The following RNF166 variants were observed in gnomAD, a reference collection of about 807,000 sequenced individuals.
RNF166 encodes E3 ubiquitin-protein ligase RNF166.
A neutral mutation model predicts 29.4 loss-of-function variants in RNF166; 19 were observed. That is an observed-to-expected ratio of 0.65 (90% CI 0.45 to 0.95). The LOEUF (loss-of-function observed/expected upper bound fraction) is 0.95, where lower values mean the gene tolerates loss of function less well. Among genes scored for constraint, RNF166 ranks in the 40% least tolerant of loss-of-function variants. RNF166 has a pLI of 0.00. For missense variants in RNF166, 347 were observed against 322.1 expected (o/e 1.08, Z -0.59); for synonymous variants, 171 against 134.5 (o/e 1.27, Z -1.88).
At chr16:88,699,151 CT>C in intron 3 of RNF166, 66 bp from the exon 4 acceptor site, 2 of 1,144,346 alleles carry the variant, frequency 1.7e-6, no homozygotes, top group Non-Finnish European at 2.6e-6. Context: ...CCCCGCTTCT[CT>C]CAAACACAGG....
Position 88,706,189 on chromosome 16 carries a change from A to G in RNF166, c.137T>C (p.Ile46Thr). Residue 46 changes from isoleucine (I) to threonine (T), a missense_variant, in exon 1 of 6, where the codon ATC becomes ACC. Coordinates refer to ENST00000312838, the MANE Select transcript of RNF166 (RefSeq NM_178841.4). ...CLEVYHRPVAIGSCGHTFCGE... is the reference protein window; with the variant it reads ...CLEVYHRPVATGSCGHTFCGE... ...CGCTCACGTGTGGCCGCAGCTGCCG[A>G]TGGCCACGGGCCGGTGATAGACCTC... is the stretch of plus-strand genomic sequence containing the variant. 7.8e-7 allele frequency: 1 copy of G among 1,285,560 alleles called. No homozygotes were observed. The highest frequency in any genetic ancestry group is 9.9e-7 in the Non-Finnish European group (1 of 1,011,340). 79.6% of individuals were successfully genotyped at this position (1,285,560 alleles called of 1,614,324 possible). A position where few individuals can be genotyped will look rare whatever the true frequency, so the allele number is the denominator to read the frequency against.
chr16:88,702,962 G>A, intron 1 of RNF166: 1 of 985,498 alleles, frequency 1.0e-6, no homozygotes, highest in Non-Finnish European at 1.2e-6. Flanking sequence ...AGAAGCGGAA[G>A]CAGCTCAGGT....
rs573211612 is a variant in RNF166, at chr16:88,701,622, C to T, written c.156-204G>A. On this transcript the variant is annotated intron_variant, in intron 1 of 5. Transcript: ENST00000312838. ...GCCCCATCTGGCTAAAGGGTGGCCC[C>T]GGTCCCTCCTGACAGTAGGCCCCTG... 1.4e-3 allele frequency: 753 copies of T among 549,690 alleles called. 6 individuals are homozygous for T. The highest frequency in any genetic ancestry group is 0.012 in the African/African-American group (630 of 50,856). The allele number at this position is 549,690 out of a possible 1,614,324, so 34.1% of individuals were successfully genotyped here.
rs1909694554 is a variant in RNF166 at position 88,697,001 on chromosome 16, T to C, written c.*567A>G. The stretch of plus-strand genomic sequence containing the variant: ...TAAATGTTCCATAAAAATACTATTA[T>C]TCCTAGTCAAACACAGATATTGCAA... On this transcript the variant is annotated 3_prime_UTR_variant, in exon 6 of 6. Transcript: ENST00000312838. The C allele has an allele frequency of 5.0e-6, 1 of 200,314 alleles. No individual in the cohort carries two copies. The highest frequency in any genetic ancestry group is 1.0e-5 in the Non-Finnish European group (1 of 96,580). The allele number at this position is 200,314 out of a possible 1,614,324, so 12.4% of individuals were successfully genotyped here. A position where few individuals can be genotyped will look rare whatever the true frequency, so the allele number is the denominator to read the frequency against.
At chr16:88,706,046 G>T (rs1452054776) in intron 1 of RNF166, 125 bp downstream of exon 1, 1 of 513,546 alleles carries the variant, frequency 1.9e-6, no homozygotes, top group East Asian at 1.5e-4. Flanking sequence ...CGCGCCCCGA[G>T]GCCCCGGCGC....
chr16:88,703,360 GGGCTGAGGGGAAGGAAAAGGGTCCCA>G, intron 1 of RNF166: 1 of 985,454 alleles, frequency 1.0e-6, no homozygotes, highest in Non-Finnish European at 1.2e-6. Context: ...GCACGGCCAC[GGGCTGAGGGGAAGGAAAAGGGTCCCA>G]GGCAGAGCTT....
At chr16:88,704,503 A>G (rs1910569273) in intron 1 of RNF166, 1 of 985,396 alleles carries the variant, frequency 1.0e-6, no homozygotes, top group East Asian at 1.1e-4. Context: ...GACATATTTG[A>G]AAAAGAAGGG....
chr16:88,700,746 G>A, intron 2 of RNF166: 1 of 994,742 alleles, frequency 1.0e-6, no homozygotes, highest in South Asian at 4.2e-5. Context: ...GATGGACATG[G>A]GGGCCAATGA....
intron 4 of RNF166, 43 bp from the exon 5 acceptor site, chr16:88,698,652 GGC>G (rs1909883390): frequency 7.0e-7 from 1 of 1,430,100 alleles, no homozygotes; most frequent in Non-Finnish European, 9.4e-7. Flanking sequence ...ACCGCGGAGA[GGC>G]GGGGTAGCCG....
Position 88,697,315 on chromosome 16 carries a change from G to A in RNF166, c.*253C>T, listed in dbSNP as rs1180004338. 7.5e-6 allele frequency: 3 copies of A among 398,068 alleles called. No homozygotes were observed. Among genetic ancestry groups the A allele is most frequent in the Non-Finnish European group, 1.4e-5 (3 of 217,510 alleles). 24.7% of individuals were successfully genotyped at this position (398,068 alleles called of 1,614,324 possible). A position where few individuals can be genotyped will look rare whatever the true frequency, so the allele number is the denominator to read the frequency against. The stretch of plus-strand genomic sequence containing the variant: ...GGTCCCAGCGTCCAGCCCTGCCCAA[G>A]TAGGCCGCCTGCTCGGCCAGAAGCA... On this transcript the variant is annotated 3_prime_UTR_variant, in exon 6 of 6. Coordinates refer to ENST00000312838, the MANE Select transcript of RNF166 (RefSeq NM_178841.4).
intron 1 of RNF166, chr16:88,704,217 T>C: frequency 2.0e-6 from 2 of 985,442 alleles, no homozygotes; most frequent in Non-Finnish European, 2.4e-6. Flanking sequence ...AAACTTTCTG[T>C]GGTCATTTGC....
chr16:88,702,800 A>T (rs1221980276), intron 1 of RNF166: 1 of 985,346 alleles, frequency 1.0e-6, no homozygotes, highest in East Asian at 1.1e-4. Flanking sequence ...CAGGCGCCCC[A>T]GCAGATATTT....
At position 88,706,301 on chromosome 16, in the gene RNF166, C is replaced by T. The variant is rs1270101097; in HGVS notation, c.25G>A (p.Ala9Thr). ...GGCGGCTGCCGCTGCTGAGCCGAGG[C>T]CACCAGGCTGCGGAACATAGCCATC... MAMFRSLV[A>T]SAQQRQPPAG... The change falls in exon 1 of 6, where the codon GCC becomes ACC. Residue 9 changes from alanine (A) to threonine (T), a missense_variant. By Grantham distance (58) the Ala-to-Thr change is moderately conservative. Transcript: ENST00000312838. 7.9e-7 allele frequency: 1 copy of T among 1,263,978 alleles called. No individual in the cohort carries two copies. Among genetic ancestry groups the T allele is most frequent in the Non-Finnish European group, 1.0e-6 (1 of 1,004,676 alleles). The allele number at this position is 1,263,978 out of a possible 1,614,324, so 78.3% of individuals were successfully genotyped here. A position where few individuals can be genotyped will look rare whatever the true frequency, so the allele number is the denominator to read the frequency against.
In RNF166 at chr16:88,706,187, C is replaced by T. The variant is rs1365698667; in HGVS notation, c.139G>A (p.Gly47Ser). 5 of 1,282,466 alleles carry T rather than the reference C, an allele frequency of 3.9e-6. No homozygotes were observed. The Admixed American group carries it at 1.0e-4, about 27-fold the overall frequency. The allele number at this position is 1,282,466 out of a possible 1,614,324, so 79.4% of individuals were successfully genotyped here. A position where few individuals can be genotyped will look rare whatever the true frequency, so the allele number is the denominator to read the frequency against. ...CGCGCTCACGTGTGGCCGCAGCTGC[C>T]GATGGCCACGGGCCGGTGATAGACC... ...LEVYHRPVAI[G>S]SCGHTFCGEC... The change falls in exon 1 of 6, where the codon GGC becomes AGC. Residue 47 changes from glycine (G) to serine (S), a missense_variant. Transcript: ENST00000312838.
chr16:88,701,014 G>A (rs771991539), intron 2 of RNF166: 195 of 1,370,150 alleles, frequency 1.4e-4, no homozygotes, highest in Middle Eastern at 1.1e-3. Context: ...CCCCTGGCCC[G>A]GGCTAGGCGG....
chr16:88,703,053 C>T (rs1206308937), intron 1 of RNF166: 1 of 985,502 alleles, frequency 1.0e-6, no homozygotes, highest in Non-Finnish European at 1.2e-6. Flanking sequence ...GGCGTGCAGC[C>T]CCACCACGCA....
chr16:88,700,541 A>C lies in RNF166; in HGVS notation c.312+721T>G, dbSNP rs531456973. 15 of 939,194 alleles carry C rather than the reference A, an allele frequency of 1.6e-5. 1 individual carries two copies. The East Asian group carries it at 1.6e-3, about 102-fold the overall frequency. 58.2% of individuals were successfully genotyped at this position (939,194 alleles called of 1,614,324 possible). ...CTCGAGGACAAACCACCGAGGGGCC[A>C]CGTACTAGTGTGAGCGCTTCATAGA... On this transcript the variant is annotated intron_variant, in intron 2 of 5. Coordinates refer to ENST00000312838, the MANE Select transcript of RNF166 (RefSeq NM_178841.4).
intron 1 of RNF166, chr16:88,703,719 G>C (rs771555941): frequency 1.1e-4 from 111 of 985,408 alleles, no homozygotes; most frequent in Non-Finnish European, 1.3e-4. Context: ...GATGGGTGTG[G>C]GGGCGTCGAC....
chr16:88,706,346 G>C lies in RNF166; in HGVS notation c.-21C>G. ...GCCATCCCGGGGCCAGGCCCGCGCC[G>C]CCCGCCGCCCGCTGTCCTGGCCCGG... On this transcript the variant is annotated 5_prime_UTR_variant, in exon 1 of 6. Coordinates refer to ENST00000312838, the MANE Select transcript of RNF166 (RefSeq NM_178841.4). 4.1e-6 allele frequency: 5 copies of C among 1,211,598 alleles called. No individual in the cohort carries two copies. The highest frequency in any genetic ancestry group is 3.2e-5 in the African/African-American group (2 of 62,950). The allele number at this position is 1,211,598 out of a possible 1,614,324, so 75.1% of individuals were successfully genotyped here.
Sources: gnomAD v4.1 joint callset for allele counts on GRCh38, gnomAD v4.1.1 for gene constraint, MANE v1.5 for transcripts, NCBI Gene and HGNC (gene_info 2026-07-23, HGNC 2026-07-21) for gene names.